The following KCNU1 variants were observed in gnomAD, a reference collection of about 807,000 sequenced individuals.
KCNU1 encodes potassium calcium-activated channel subfamily U member 1.
Under a neutral mutation model 126.8 loss-of-function variants are expected in KCNU1, and 93 were observed. The observed-to-expected ratio is 0.73, with a 90% CI of 0.62 to 0.87. The LOEUF is 0.87. Among genes scored for constraint, KCNU1 ranks in the 40% least tolerant of loss-of-function variants. KCNU1 has a pLI of 0.00. For synonymous variants in KCNU1, 523 were observed against 494.2 expected, an observed-to-expected ratio of 1.06 and a Z score of -0.77; for missense variants, 1,330 against 1,367.1, an observed-to-expected ratio of 0.97 and a Z score of 0.43.
chr8:36,817,810 G>T (rs371231739), intron 10 of KCNU1, 50 bp downstream of exon 10: 3 of 889,466 alleles, frequency 3.4e-6, no homozygotes, highest in Non-Finnish European at 1.9e-6. Context: ...CTTAAAATAC[G>T]TGTGAATATT....
At chr8:36,902,273 A>G (rs1323843658) in intron 19 of KCNU1, among the ~76,000 whole-genome samples, 1 of 152,150 alleles carries the variant, frequency 6.6e-6, no homozygotes, top group Non-Finnish European at 1.5e-5. Context: ...GTATACATAT[A>G]CCACACTTTT....
chr8:36,790,252 G>T (rs1441828389), intron 2 of KCNU1, among the ~76,000 whole-genome samples: 1 of 152,016 alleles, frequency 6.6e-6, no homozygotes, highest in Non-Finnish European at 1.5e-5. Flanking sequence ...TAACATCACT[G>T]CACCAAAAAT....
intron 10 of KCNU1, among the ~76,000 whole-genome samples, chr8:36,818,927 A>G (rs1804024851): frequency 1.3e-5 from 2 of 152,200 alleles, no homozygotes; most frequent in Admixed American, 6.6e-5. Context: ...ATCTTTTGTT[A>G]GAAAACAGTA....
chr8:36,930,130 T>C (rs1808655379), intron 24 of KCNU1, among the ~76,000 whole-genome samples: 1 of 151,942 alleles, frequency 6.6e-6, no homozygotes, highest in Non-Finnish European at 1.5e-5. Flanking sequence ...TTAGATAAAA[T>C]GAAGGATGAA....
intron 9 of KCNU1, among the ~76,000 whole-genome samples, chr8:36,816,578 A>C (rs1803921408): frequency 6.6e-6 from 1 of 152,162 alleles, no homozygotes; most frequent in Admixed American, 6.5e-5. Context: ...ATAAGCCAAA[A>C]TCTGGCCTCA....
intron 10 of KCNU1, among the ~76,000 whole-genome samples, chr8:36,823,167 G>A (rs1384830858): frequency 6.6e-6 from 1 of 152,044 alleles, no homozygotes; most frequent in African/African-American, 2.4e-5. Context: ...GTATTAGATT[G>A]GTGCAAAAGT....
intron 19 of KCNU1, chr8:36,888,681 C>T (rs749156721): frequency 1.9e-6 from 1 of 534,510 alleles, no homozygotes; most frequent in Non-Finnish European, 3.8e-6. Flanking sequence ...ACGATAATCA[C>T]TAGTGTTGAT....
chr8:36,926,577 T>C (rs1234565414), intron 24 of KCNU1, among the ~76,000 whole-genome samples: 1 of 152,174 alleles, frequency 6.6e-6, no homozygotes, highest in Non-Finnish European at 1.5e-5. Flanking sequence ...CAGAGAGGCA[T>C]AACATAAACA....
chr8:36,921,888 C>T (rs948621674), intron 23 of KCNU1, among the ~76,000 whole-genome samples: 8 of 152,064 alleles, frequency 5.3e-5, no homozygotes, highest in East Asian at 1.9e-4. Context: ...ATCCATGAAT[C>T]GGCAACCTCA....
chr8:36,791,486 T>G (rs1802899286), intron 2 of KCNU1, among the ~76,000 whole-genome samples: 1 of 152,190 alleles, frequency 6.6e-6, no homozygotes. Context: ...CTTCAGGTAA[T>G]CTAGCATTTT....
Position 36,910,972 on chromosome 8 carries a change from G to A in KCNU1, c.2374G>A (p.Glu792Lys). 1 of 1,613,436 alleles carries A rather than the reference G, an allele frequency of 6.2e-7. No homozygotes were observed. Among genetic ancestry groups the A allele is most frequent in the East Asian group, 2.2e-5 (1 of 44,852 alleles). The change falls in exon 22 of 27, where the codon GAG becomes AAG. Residue 792 changes from glutamate to lysine, a missense_variant. Around this residue, in one of 3 missense-constraint regions of KCNU1, gnomAD observed 1,054 missense variants for 1,053.9 expected, o/e 1.00. Transcript: ENST00000399881. ...YSGDLHAANI[E>K]QCSMCAVLSP... is the part of the protein sequence containing the mutation. ...TGGAGACCTCCATGCGGCCAACATA[G>A]AGCAATGCTCCATGTGTGCTGTCTT...
chr8:36,858,039 G>A (rs1305098607), intron 18 of KCNU1, among the ~76,000 whole-genome samples: 1 of 151,948 alleles, frequency 6.6e-6, no homozygotes, highest in African/African-American at 2.4e-5. Flanking sequence ...ACTAGTTAGG[G>A]CTGTTTCACT....
intron 19 of KCNU1, among the ~76,000 whole-genome samples, chr8:36,884,718 C>T (rs928304429): frequency 4.0e-5 from 6 of 151,476 alleles, no homozygotes; most frequent in African/African-American, 7.3e-5. Context: ...GGTAACAGAG[C>T]CTGGGTAACA....
At chr8:36,799,899 C>G (rs998941788) in intron 2 of KCNU1, among the ~76,000 whole-genome samples, 20 of 151,900 alleles carry the variant, frequency 1.3e-4, no homozygotes, top group Admixed American at 1.2e-3. Context: ...TTGGAGAATT[C>G]CTTTATTCTA....
At chr8:36,830,414 G>T (rs1444604554) in intron 10 of KCNU1, among the ~76,000 whole-genome samples, 2 of 151,688 alleles carry the variant, frequency 1.3e-5, no homozygotes, top group Non-Finnish European at 2.9e-5. Context: ...TCTTAACTCT[G>T]AAGAAATATT....
At chr8:36,891,229 A>T (rs568242849) in intron 19 of KCNU1, among the ~76,000 whole-genome samples, 1 of 151,830 alleles carries the variant, frequency 6.6e-6, no homozygotes, top group Non-Finnish European at 1.5e-5. Flanking sequence ...TGCCTTGGAG[A>T]TTACAATTAA....
At chr8:36,859,370 A>C (rs1225629417) in intron 18 of KCNU1, among the ~76,000 whole-genome samples, 1 of 152,198 alleles carries the variant, frequency 6.6e-6, no homozygotes, top group Non-Finnish European at 1.5e-5. Context: ...GAATATCCTC[A>C]GTCCACTCCC....
At chr8:36,845,470 C>T (rs1187225351) in intron 16 of KCNU1, 110 bp from the exon 17 acceptor site, 8 of 645,878 alleles carry the variant, frequency 1.2e-5, no homozygotes, top group East Asian at 8.0e-5. Flanking sequence ...AGGTTGAATA[C>T]GATTAAATTA....
In KCNU1 at chr8:36,935,778, A is replaced by G. The variant is rs573646252; in HGVS notation, c.3308A>G (p.Lys1103Arg). ...QPRTNSLSFP[K>R]QIAWNQSRTN... ...AGAACTAACTCCCTCTCTTTTCCTA[A>G]GCAAATAGCATGGAATCAGAGTAGA... is the stretch of plus-strand genomic sequence containing the variant. Residue 1103 changes from lysine to arginine, a missense_variant, in exon 27 of 27, where the codon AAG (lysine) becomes AGG (arginine). Coordinates refer to ENST00000399881, the MANE Select transcript of KCNU1 (RefSeq NM_001031836.3). The G allele has an allele frequency of 9.9e-6, 16 of 1,613,530 alleles. No individual in the cohort carries two copies. The highest frequency in any genetic ancestry group is 6.8e-6 in the Non-Finnish European group (8 of 1,179,604).
Sources: allele counts gnomAD v4.1 joint callset (sites outside exome capture counted in the v4.1 genomes callset), GRCh38; gene constraint gnomAD v4.1.1; regional missense constraint gnomAD v4.1.1; transcripts MANE v1.5; gene names NCBI Gene and HGNC (gene_info 2026-07-23, HGNC 2026-07-21).